The following SLIT2 variants were observed in gnomAD, a reference collection of about 807,000 sequenced individuals.
SLIT2 encodes the protein slit guidance ligand 2, also known as slit homolog 2 protein.
A neutral mutation model predicts 185.7 loss-of-function variants in SLIT2; 41 were observed. That is an observed-to-expected ratio of 0.22 (90% confidence interval 0.17 to 0.29). The LOEUF (loss-of-function observed/expected upper bound fraction) is 0.29. Among genes scored for constraint, SLIT2 ranks in the 10% least tolerant of loss-of-function variants. The probability of loss-of-function intolerance (pLI) is 1.00; values close to 1 mark genes in which losing one functional copy is unlikely to be tolerated. For missense variants in SLIT2, 1,571 were observed against 1,909.0 expected (o/e 0.82, Z 3.30); for synonymous variants, 693 against 680.2 (o/e 1.02, Z -0.29).
intron 5 of SLIT2, among the ~76,000 whole-genome samples, chr4:20,474,136 T>C (rs2148765746): frequency 6.6e-6 from 1 of 152,108 alleles, no homozygotes; most frequent in Non-Finnish European, 1.5e-5. Context: ...TGAACAAACC[T>C]GTAGGGAGGG....
intron 4 of SLIT2, among the ~76,000 whole-genome samples, chr4:20,446,433 GA>G (rs1459840585): frequency 2.0e-4 from 30 of 152,308 alleles, no homozygotes; most frequent in African/African-American, 6.7e-4. Context: ...AAAAAAGAGA[GA>G]AGCAGCAATA....
intron 4 of SLIT2, among the ~76,000 whole-genome samples, chr4:20,410,598 G>A (rs1233586535): frequency 5.3e-5 from 8 of 151,860 alleles, no homozygotes; most frequent in Admixed American, 2.0e-4. Flanking sequence ...TTTGTATGTG[G>A]TGTAAGGAAG....
At chr4:20,479,290 C>T (rs1716453172) in intron 5 of SLIT2, among the ~76,000 whole-genome samples, 1 of 152,162 alleles carries the variant, frequency 6.6e-6, no homozygotes, top group Non-Finnish European at 1.5e-5. Context: ...ATCTGAAAGT[C>T]ACTGGATTAA....
chr4:20,289,129 A>G (rs1217552480), intron 4 of SLIT2, among the ~76,000 whole-genome samples: 2 of 152,198 alleles, frequency 1.3e-5, no homozygotes, highest in East Asian at 3.9e-4. Flanking sequence ...AGTAACCAAC[A>G]ATGTCCGTAC....
At chr4:20,600,931 A>G (rs1728365918) in intron 33 of SLIT2, among the ~76,000 whole-genome samples, 2 of 151,292 alleles carry the variant, frequency 1.3e-5, no homozygotes, top group African/African-American at 4.8e-5. Flanking sequence ...ATAGAATATT[A>G]TTTTTATATT....
At chr4:20,538,287 G>A (rs1722484862) in intron 18 of SLIT2, among the ~76,000 whole-genome samples, 1 of 151,976 alleles carries the variant, frequency 6.6e-6, no homozygotes, top group African/African-American at 2.4e-5. Context: ...CTTCCCCCAG[G>A]GGCATGTGAC....
At chr4:20,322,064 C>T (rs1719137510) in intron 4 of SLIT2, among the ~76,000 whole-genome samples, 2 of 152,156 alleles carry the variant, frequency 1.3e-5, no homozygotes, top group South Asian at 4.1e-4. Flanking sequence ...ATAAACATAG[C>T]TGGGCTTTCA....
intron 4 of SLIT2, among the ~76,000 whole-genome samples, chr4:20,292,278 A>T (rs2109084867): frequency 6.6e-6 from 1 of 152,324 alleles, no homozygotes; most frequent in South Asian, 2.1e-4. Flanking sequence ...GTGTCTGAAC[A>T]TCTTGATTAG....
chr4:20,260,575 ATTTTTC>A (rs1712347860), intron 3 of SLIT2, among the ~76,000 whole-genome samples: 2 of 151,748 alleles, frequency 1.3e-5, no homozygotes, highest in South Asian at 4.1e-4. Context: ...ATAGTTATAC[ATTTTTC>A]TTTTTCTTTT....
At position 20,253,764 on chromosome 4, in the gene SLIT2, G is replaced by C; in HGVS notation, c.-52G>C. On this transcript the variant is annotated 5_prime_UTR_variant, in exon 1 of 37. Coordinates refer to ENST00000504154, the MANE Select transcript of SLIT2 (RefSeq NM_004787.4). ...GACACTGCGCGGTTCCCTCGGAGCA[G>C]CAAGCTAAAGAAAGCCCCCAGTGCC... 6.3e-7 allele frequency: 1 copy of C among 1,584,122 alleles called. No homozygotes were observed. Among genetic ancestry groups the C allele is most frequent in the Non-Finnish European group, 8.5e-7 (1 of 1,171,544 alleles).
At chr4:20,403,533 T>A (rs2109405031) in intron 4 of SLIT2, among the ~76,000 whole-genome samples, 1 of 152,096 alleles carries the variant, frequency 6.6e-6, no homozygotes, top group Non-Finnish European at 1.5e-5. Context: ...TGTTGTTTCA[T>A]TTCCTCTTCT....
chr4:20,480,639 C>A (rs530537519), intron 5 of SLIT2, 77 bp from the exon 6 acceptor site: 3 of 1,028,268 alleles, frequency 2.9e-6, no homozygotes, highest in East Asian at 2.4e-5. Context: ...TATCATAGAC[C>A]CTTCAGGAAA....
At chr4:20,599,055 T>C (rs1728209835) in intron 33 of SLIT2, among the ~76,000 whole-genome samples, 1 of 152,160 alleles carries the variant, frequency 6.6e-6, no homozygotes. Context: ...TATTGAGCAC[T>C]TACTATGTGC....
At chr4:20,401,982 T>A (rs1444771528) in intron 4 of SLIT2, among the ~76,000 whole-genome samples, 1 of 151,940 alleles carries the variant, frequency 6.6e-6, no homozygotes, top group Non-Finnish European at 1.5e-5. Flanking sequence ...TTTTATTCTT[T>A]CTCATTTGAT....
chr4:20,587,590 G>C (rs1727165347), intron 29 of SLIT2, among the ~76,000 whole-genome samples: 1 of 152,162 alleles, frequency 6.6e-6, no homozygotes, highest in Non-Finnish European at 1.5e-5. Flanking sequence ...ACATTATCAA[G>C]TCTGTGGAGT....
intron 26 of SLIT2, among the ~76,000 whole-genome samples, chr4:20,561,807 A>AG (rs576856214): frequency 6.8e-6 from 1 of 147,652 alleles, no homozygotes; most frequent in Non-Finnish European, 1.5e-5. Flanking sequence ...CATTTAAAAA[A>AG]GGGGGGGCTC....
chr4:20,298,822 A>C (rs760300908), intron 4 of SLIT2, among the ~76,000 whole-genome samples: 1 of 152,300 alleles, frequency 6.6e-6, no homozygotes, highest in Non-Finnish European at 1.5e-5. Context: ...TATTTCAATA[A>C]AAACTTTATA....
chr4:20,343,978 G>A (rs1401467525), intron 4 of SLIT2, among the ~76,000 whole-genome samples: 4 of 151,982 alleles, frequency 2.6e-5, no homozygotes, highest in Non-Finnish European at 5.9e-5. Context: ...AGCCGCTCCA[G>A]TAACTGGGAC....
At chr4:20,595,978 AG>A (rs1727949441) in intron 31 of SLIT2, 144 bp downstream of exon 31, 1 of 694,542 alleles carries the variant, frequency 1.4e-6, no homozygotes, top group African/African-American at 1.8e-5. Context: ...TAAATACTTG[AG>A]GGGATGGATA....
Sources: allele counts gnomAD v4.1 joint callset (sites outside exome capture counted in the v4.1 genomes callset), GRCh38; gene constraint gnomAD v4.1.1; transcripts MANE v1.5; gene names NCBI Gene and HGNC (gene_info 2026-07-23, HGNC 2026-07-21).